The following CELF1 variants were observed in gnomAD, a reference collection of about 807,000 sequenced individuals.
CELF1 encodes CUGBP Elav-like family member 1.
Under a neutral mutation model 61.8 loss-of-function variants are expected in CELF1, and 10 were observed. The ratio of observed to expected loss-of-function variants is 0.16; its 90% confidence interval spans 0.10 to 0.27. The LOEUF (loss-of-function observed/expected upper bound fraction) is 0.27, where lower values mean the gene tolerates loss of function less well. Ranked by LOEUF, CELF1 falls within the 10% of genes least tolerant of loss-of-function variation. The probability of loss-of-function intolerance (pLI) is 1.00; values close to 1 mark genes in which losing one functional copy is unlikely to be tolerated. For synonymous variants in CELF1, 236 were observed against 225.1 expected (o/e 1.05, Z -0.43); for missense variants, 380 against 639.1 (o/e 0.59, Z 4.37).
At chr11:47,495,262 T>C (rs902029849) in intron 3 of CELF1, among the ~76,000 whole-genome samples, 3 of 152,174 alleles carry the variant, frequency 2.0e-5, no homozygotes, top group South Asian at 2.1e-4. Context: ...GAAAACATTA[T>C]GCTAAGTAAA....
At chr11:47,502,905 G>T (rs76193101) in intron 1 of CELF1, among the ~76,000 whole-genome samples, 1 of 151,934 alleles carries the variant, frequency 6.6e-6, no homozygotes, top group African/African-American at 2.4e-5. Flanking sequence ...GACAGGAGGG[G>T]TTATAACCAA....
At chr11:47,552,199 G>C (rs1325423371) in intron 1 of CELF1, among the ~76,000 whole-genome samples, 1 of 152,138 alleles carries the variant, frequency 6.6e-6, no homozygotes, top group Non-Finnish European at 1.5e-5. Flanking sequence ...ACAGATTCCA[G>C]TCAAAATCTT....
intron 10 of CELF1, 75 bp from the exon 11 acceptor site, chr11:47,477,500 A>G (rs2080796738): frequency 2.7e-6 from 4 of 1,497,432 alleles, no homozygotes; most frequent in South Asian, 2.3e-5. Context: ...ACAAGCACAC[A>G]CTGGCAGAGG....
At chr11:47,520,256 T>C (rs532116136) in intron 1 of CELF1, among the ~76,000 whole-genome samples, 2 of 152,338 alleles carry the variant, frequency 1.3e-5, no homozygotes, top group Admixed American at 1.3e-4. Context: ...AGCTGATTCT[T>C]ATTTCCCTGT....
chr11:47,564,750 G>A (rs970097567), intron 1 of CELF1, among the ~76,000 whole-genome samples: 2 of 152,152 alleles, frequency 1.3e-5, no homozygotes, highest in African/African-American at 2.4e-5. Context: ...GAGATCTTGC[G>A]ACTGCCCTCT....
intron 3 of CELF1, among the ~76,000 whole-genome samples, chr11:47,496,560 G>T (rs996484813): frequency 6.6e-6 from 1 of 152,206 alleles, no homozygotes; most frequent in African/African-American, 2.4e-5. Context: ...GAAAGAAGTG[G>T]CTAATATGAT....
intron 1 of CELF1, among the ~76,000 whole-genome samples, chr11:47,542,987 G>A (rs1329274532): frequency 6.6e-6 from 1 of 152,004 alleles, no homozygotes; most frequent in Non-Finnish European, 1.5e-5. Context: ...AGGTGTAGCA[G>A]TGTGCACCTG....
intron 3 of CELF1, among the ~76,000 whole-genome samples, chr11:47,498,564 T>C (rs1008874556): frequency 6.6e-6 from 1 of 152,206 alleles, no homozygotes; most frequent in Non-Finnish European, 1.5e-5. Flanking sequence ...TTAACACTTG[T>C]TATCTAGAGA....
chr11:47,478,330 C>G (rs910883254), intron 10 of CELF1, among the ~76,000 whole-genome samples: 5 of 152,174 alleles, frequency 3.3e-5, no homozygotes, highest in African/African-American at 9.7e-5. Context: ...TGCCCTACCC[C>G]CAACCGACTC....
At chr11:47,528,877 T>C (rs1025921829) in intron 1 of CELF1, among the ~76,000 whole-genome samples, 11 of 148,732 alleles carry the variant, frequency 7.4e-5, no homozygotes, top group Non-Finnish European at 1.3e-4. Flanking sequence ...GCCAACACAG[T>C]GAGACCCTGC....
intron 2 of CELF1, 103 bp downstream of exon 2, chr11:47,500,758 T>A (rs996496241): frequency 2.5e-6 from 1 of 394,948 alleles, no homozygotes; most frequent in Admixed American, 4.4e-5. Context: ...AAACAACAAA[T>A]GGCGGCATTT....
chr11:47,474,241 C>G (rs960795493), intron 13 of CELF1, among the ~76,000 whole-genome samples: 4 of 152,290 alleles, frequency 2.6e-5, no homozygotes, highest in Non-Finnish European at 1.5e-5. Flanking sequence ...CAATTGCAGT[C>G]CAGCCATTCT....
intron 1 of CELF1, among the ~76,000 whole-genome samples, chr11:47,547,666 T>A (rs1487704321): frequency 1.1e-4 from 11 of 102,904 alleles, no homozygotes; most frequent in Non-Finnish European, 1.4e-4. Flanking sequence ...CGAAACTCCA[T>A]CTCAAAAAAA....
intron 1 of CELF1, among the ~76,000 whole-genome samples, chr11:47,519,756 G>T (rs541498701): frequency 6.6e-6 from 1 of 151,836 alleles, no homozygotes; most frequent in Non-Finnish European, 1.5e-5. Flanking sequence ...CCCGCTACTC[G>T]GGAGGCTGAG....
rs2076892441 is a variant in CELF1, at chr11:47,467,623, G to C, written c.*4607C>G. 1 of 152,210 alleles carries C rather than the reference G, an allele frequency of 6.6e-6. No homozygotes were observed. Among genetic ancestry groups the C allele is most frequent in the African/African-American group, 2.4e-5 (1 of 41,394 alleles). The allele number at this position is 152,210 out of a possible 1,614,324, so 9.4% of individuals were successfully genotyped here. ...GATTGGGAGCGCCCTCCTTCCTCCAGGTGCTCACTGCCCCTAATGTGCTAA... is the reference window on the plus strand; with the variant it reads ...GATTGGGAGCGCCCTCCTTCCTCCACGTGCTCACTGCCCCTAATGTGCTAA... On this transcript the variant is annotated 3_prime_UTR_variant, in exon 15 of 15. Coordinates refer to ENST00000687097, the MANE Select transcript of CELF1 (RefSeq NM_001376376.1).
rs547122944 is a variant in CELF1, at chr11:47,552,717, C to A, written c.-154+275G>T. Among the ~76,000 whole-genome samples the A allele has an allele frequency of 3.5e-3, 538 of 152,224 alleles. 3 individuals carry two copies. The highest frequency in any genetic ancestry group is 0.013 in the African/African-American group (523 of 41,554). On this transcript the variant is annotated intron_variant, in intron 1 of 14. Transcript: ENST00000687097. The stretch of plus-strand genomic sequence containing the variant: ...GCCTAGAGAGTGAAGGTAAAGGGCG[C>A]GGGGAGAGGAAGCAAAGCCACGAGG...
At chr11:47,538,355 C>A (rs548803499) in intron 1 of CELF1, among the ~76,000 whole-genome samples, 65 of 152,216 alleles carry the variant, frequency 4.3e-4, no homozygotes, top group African/African-American at 1.5e-3. Flanking sequence ...ATATAAATCT[C>A]CATTTTGGCT....
intron 1 of CELF1, among the ~76,000 whole-genome samples, chr11:47,533,764 T>G (rs1395489040): frequency 2.1e-5 from 3 of 139,694 alleles, no homozygotes; most frequent in African/African-American, 8.0e-5. Flanking sequence ...GAGCTGAGAT[T>G]GCTCAAGTGC....
At chr11:47,558,444 T>C (rs1315209190) in intron 2 of CELF1, among the ~76,000 whole-genome samples, 5 of 131,716 alleles carry the variant, frequency 3.8e-5, no homozygotes, top group African/African-American at 1.5e-4. Flanking sequence ...ATATATTATA[T>C]ATATATATAA....
Sources: gnomAD v4.1 joint callset for allele counts (sites outside exome capture counted in the v4.1 genomes callset) on GRCh38, gnomAD v4.1.1 for gene constraint, MANE v1.5 for transcripts, NCBI Gene and HGNC (gene_info 2026-07-23, HGNC 2026-07-21) for gene names.